The following ENO4 variants were observed in gnomAD, a reference collection of about 807,000 sequenced individuals.
The protein encoded by ENO4 is enolase 4.
A neutral mutation model predicts 63.2 loss-of-function variants in ENO4; 53 were observed. That is an observed-to-expected ratio of 0.84 (90% CI 0.67 to 1.05). The LOEUF (loss-of-function observed/expected upper bound fraction) is 1.05, where lower values mean the gene tolerates loss of function less well. Among genes scored for constraint, ENO4 ranks in the 50% least tolerant of loss-of-function variants. ENO4 has a pLI of 0.00. For synonymous variants in ENO4, 266 were observed against 283.8 expected, an observed-to-expected ratio of 0.94 and a Z score of 0.63; for missense variants, 719 against 772.0, an observed-to-expected ratio of 0.93 and a Z score of 0.81.
chr10:116,858,367 TTC>T (rs1201927652), intron 3 of ENO4, among the ~76,000 whole-genome samples: 1 of 152,228 alleles, frequency 6.6e-6, no homozygotes, highest in Non-Finnish European at 1.5e-5. Flanking sequence ...TGAAATCAAT[TTC>T]TCTCATACTT....
At chr10:116,858,635 A>C (rs764711664) in intron 3 of ENO4, among the ~76,000 whole-genome samples, 1 of 152,232 alleles carries the variant, frequency 6.6e-6, no homozygotes, top group Non-Finnish European at 1.5e-5. Flanking sequence ...TATTCTTGAC[A>C]CATTTGTTTT....
intron 10 of ENO4, among the ~76,000 whole-genome samples, chr10:116,910,223 G>A (rs1026209147): frequency 3.3e-5 from 5 of 152,158 alleles, no homozygotes; most frequent in African/African-American, 1.2e-4. Context: ...GCAGAGAGTA[G>A]GGGAGAGGAT....
chr10:116,896,139 A>C (rs1163341893), intron 10 of ENO4, among the ~76,000 whole-genome samples: 4 of 152,136 alleles, frequency 2.6e-5, no homozygotes, highest in Non-Finnish European at 5.9e-5. Context: ...ACACACACAG[A>C]ATGGAAGTTT....
rs1249865096 is a variant in ENO4, at chr10:116,879,306, C to CTGTCTTTGGAA, written c.1554_1564dup (p.Ser522MetfsTer38). The stretch of plus-strand genomic sequence containing the variant: ...CCTCTTCCAGGTAAGAAGCACATCA[C>CTGTCTTTGGAA]TGTCTTTGGAAGTACAGAAGGAGAA... On this transcript the variant is annotated frameshift_variant, in exon 12 of 14. Transcript: ENST00000341276. LOFTEE classifies it high-confidence loss of function. 6.5e-7 allele frequency: 1 copy of CTGTCTTTGGAA among 1,550,326 alleles called. No individual in the cohort carries two copies. The highest frequency in any genetic ancestry group is 1.4e-5 in the African/African-American group (1 of 72,998).
chr10:116,849,855 C>T, intron 1 of ENO4, 124 bp downstream of exon 1: 4 of 1,130,570 alleles, frequency 3.5e-6, no homozygotes, highest in African/African-American at 1.6e-5. Flanking sequence ...GGGCCCTGGG[C>T]CTGCGTGTGC....
Position 116,909,792 on chromosome 10 carries a change from T to C in ENO4, c.1195-1707T>C, listed in dbSNP as rs143374570. Reference sequence around the variant, plus strand: ...GGCCAAATCACTAAGTCTTACAACTTGGGTCACATTCCATTTCATCAAAAA... The same window carrying C: ...GGCCAAATCACTAAGTCTTACAACTCGGGTCACATTCCATTTCATCAAAAA... On this transcript the variant is annotated intron_variant, in intron 10 of 10. Coordinates refer to the ENO4 transcript ENST00000369207. Among the ~76,000 whole-genome samples the C allele has an allele frequency of 3.6e-3, 548 of 152,304 alleles. 2 individuals carry two copies. Among genetic ancestry groups the C allele is most frequent in the Middle Eastern group, 0.01 (3 of 294 alleles).
At chr10:116,886,237 A>C, downstream of ENO4, 3 of 1,452,222 alleles carry the variant, frequency 2.1e-6, no homozygotes, top group Non-Finnish European at 2.8e-6. Context: ...CTGTATTCTG[A>C]ATACAGTGAC....
At position 116,861,312 on chromosome 10, in the gene ENO4, T is replaced by C. The variant is rs545768626; in HGVS notation, c.936+122T>C. 3 of 292,872 alleles carry C rather than the reference T, an allele frequency of 1.0e-5. No homozygotes were observed. In the South Asian group the frequency reaches 4.3e-4, roughly 42 times the overall value. The allele number at this position is 292,872 out of a possible 1,614,324, so 18.1% of individuals were successfully genotyped here. On this transcript the variant is annotated intron_variant, in intron 6 of 13. Transcript: ENST00000341276. ...ATTAAGGATAAAATGAGAAAAAAAA[T>C]ATTTTAGGAAATCAGAGAAGTGGGA...
At chr10:116,889,598 G>A (rs1163362479) in intron 10 of ENO4, among the ~76,000 whole-genome samples, 1 of 152,154 alleles carries the variant, frequency 6.6e-6, no homozygotes, top group African/African-American at 2.4e-5. Flanking sequence ...AAGAGGGGAA[G>A]GAACTGGCCC....
At chr10:116,904,741 T>G (rs1211480253) in intron 10 of ENO4, among the ~76,000 whole-genome samples, 1 of 152,232 alleles carries the variant, frequency 6.6e-6, no homozygotes, top group Non-Finnish European at 1.5e-5. Flanking sequence ...ATAAAAACCT[T>G]TGCTCATTTC....
At chr10:116,850,407 C>A (rs548740398) in intron 1 of ENO4, among the ~76,000 whole-genome samples, 1 of 152,212 alleles carries the variant, frequency 6.6e-6, no homozygotes, top group African/African-American at 2.4e-5. Context: ...CTTGTCTTCT[C>A]ACCTTCCGGG....
downstream of ENO4, among the ~76,000 whole-genome samples, chr10:116,887,181 A>G (rs1433381580): frequency 6.6e-6 from 1 of 152,180 alleles, no homozygotes; most frequent in Non-Finnish European, 1.5e-5. Context: ...GTTACCATTA[A>G]TGTTTCTAAA....
chr10:116,905,064 G>A (rs1048854959), intron 10 of ENO4, among the ~76,000 whole-genome samples: 17 of 151,706 alleles, frequency 1.1e-4, no homozygotes, highest in Admixed American at 7.9e-4. Context: ...AGCCGGGCGC[G>A]GTGGCGGGCG....
chr10:116,868,031 T>C (rs1846592025), intron 7 of ENO4, among the ~76,000 whole-genome samples: 1 of 152,154 alleles, frequency 6.6e-6, no homozygotes, highest in South Asian at 2.1e-4. Context: ...AAAGATTAGA[T>C]CCTTGCAATA....
chr10:116,906,819 A>C, intron 10 of ENO4: 2 of 1,221,348 alleles, frequency 1.6e-6, no homozygotes, highest in South Asian at 3.9e-5. Context: ...ATAAAAATCA[A>C]ACCATGAAAA....
chr10:116,893,576 G>GCACACACACACACA lies in ENO4; in HGVS notation c.1194+13598_1194+13611dup, dbSNP rs6144113. On this transcript the variant is annotated intron_variant, in intron 10 of 10. Coordinates refer to the ENO4 transcript ENST00000369207. ...CCCCCTCCCTGATAGGCACTCATGTGCACACACACACACACACACACGAGA... is the reference window on the plus strand; with the variant it reads ...CCCCCTCCCTGATAGGCACTCATGTGCACACACACACACACACACACACACACACACACACGAGA... Among the ~76,000 whole-genome samples the GCACACACACACACA allele has an allele frequency of 4.1e-3, 511 of 123,594 alleles. 9 individuals are homozygous for GCACACACACACACA. Among genetic ancestry groups the GCACACACACACACA allele is most frequent in the Non-Finnish European group, 4.7e-3 (285 of 60,688 alleles). The allele number at this position is 123,594 out of a possible 152,430, so 81.1% of individuals were successfully genotyped here.
intron 13 of ENO4, among the ~76,000 whole-genome samples, chr10:116,881,103 ATGT>A (rs770051368): frequency 2.0e-4 from 31 of 152,210 alleles, no homozygotes; most frequent in Non-Finnish European, 3.5e-4. Flanking sequence ...AGCCATTAAA[ATGT>A]TGTCAATACT....
chr10:116,853,092 G>A (rs1019846915), intron 1 of ENO4, among the ~76,000 whole-genome samples: 2 of 152,148 alleles, frequency 1.3e-5, no homozygotes, highest in East Asian at 1.9e-4. Flanking sequence ...TCAGGAGATC[G>A]AGACCATCCT....
At chr10:116,877,651 A>T (rs1223995620) in intron 11 of ENO4, among the ~76,000 whole-genome samples, 3 of 152,126 alleles carry the variant, frequency 2.0e-5, no homozygotes, top group Non-Finnish European at 4.4e-5. Context: ...CTGAGTCATG[A>T]AGCTGGGATT....
Sources: allele counts gnomAD v4.1 joint callset (sites outside exome capture counted in the v4.1 genomes callset), GRCh38; gene constraint gnomAD v4.1.1; transcripts MANE v1.5; gene names NCBI Gene and HGNC (gene_info 2026-07-23, HGNC 2026-07-21).